Variants in GNB1L observed in about 807,000 individuals in gnomAD.
GNB1L encodes guanine nucleotide-binding protein subunit beta-like protein 1.
A neutral mutation model predicts 29.1 loss-of-function variants in GNB1L; 20 were observed. The observed-to-expected ratio is 0.69, with a 90% CI of 0.48 to 1.00. The LOEUF (loss-of-function observed/expected upper bound fraction) is 1.00, where lower values mean the gene tolerates loss of function less well. GNB1L is among the 50% of genes least tolerant of loss of function. GNB1L has a pLI of 0.00. For missense variants in GNB1L, 421 were observed against 464.9 expected, an observed-to-expected ratio of 0.91 and a Z score of 0.87; for synonymous variants, 193 against 206.5, an observed-to-expected ratio of 0.93 and a Z score of 0.56.
chr22:19,802,923 G>A (rs186218331), intron 6 of GNB1L, among the ~76,000 whole-genome samples: 196 of 152,342 alleles, frequency 1.3e-3, no homozygotes, highest in Non-Finnish European at 2.1e-3. Context: ...GCAGGATTCC[G>A]CATCACCCTG....
chr22:19,821,358 T>A lies in GNB1L; in HGVS notation c.-3A>T. 6.2e-7 allele frequency: 1 copy of A among 1,611,848 alleles called. No individual in the cohort carries two copies. Among genetic ancestry groups the A allele is most frequent in the Non-Finnish European group, 8.5e-7 (1 of 1,179,684 alleles). Reference sequence around the variant, plus strand: ...GGCGGCGGGCAGGGGGCCGTCATGCTGGGCAGGATGCAGTTACCTGGGCAC... The same window carrying A: ...GGCGGCGGGCAGGGGGCCGTCATGCAGGGCAGGATGCAGTTACCTGGGCAC... On this transcript the variant is annotated 5_prime_UTR_variant, in exon 3 of 8. Transcript: ENST00000329517.
intron 5 of GNB1L, among the ~76,000 whole-genome samples, chr22:19,809,947 T>C (rs537434602): frequency 6.6e-6 from 1 of 152,340 alleles, no homozygotes; most frequent in East Asian, 1.9e-4. Flanking sequence ...AGCTAACTTT[T>C]TGCAGAGATG....
rs13433560 is a variant in GNB1L, at chr22:19,785,553, T to C, written c.*3156A>G. 5,067 of 152,298 alleles carry C rather than the reference T, an allele frequency of 0.033. 243 individuals carry two copies. The highest frequency in any genetic ancestry group is 0.1 in the African/African-American group (4,267 of 41,530). The allele number at this position is 152,298 out of a possible 1,614,324, so 9.4% of individuals were successfully genotyped here. A position where few individuals can be genotyped will look rare whatever the true frequency, so the allele number is the denominator to read the frequency against. On this transcript the variant is annotated 3_prime_UTR_variant, in exon 8 of 8. Coordinates refer to ENST00000329517, the MANE Select transcript of GNB1L (RefSeq NM_053004.3). This position sits in a 1 kb window ranked among gnomAD's most constrained non-coding sequence, Gnocchi z 4.1. ...GCCTCACTGCTACCCAAGAGCATTATGGAGGAAGATGTGGAAGGGCTGCCT... is the reference window on the plus strand; with the variant it reads ...GCCTCACTGCTACCCAAGAGCATTACGGAGGAAGATGTGGAAGGGCTGCCT...
chr22:19,852,592 A>G, intron 2 of GNB1L: 1 of 297,342 alleles, frequency 3.4e-6, no homozygotes, highest in Non-Finnish European at 6.2e-6. Context: ...CCCAACTAGG[A>G]GCTTTGAATG....
intron 2 of GNB1L, chr22:19,848,132 T>C: frequency 1.0e-6 from 1 of 984,616 alleles, no homozygotes; most frequent in Non-Finnish European, 1.2e-6. Context: ...CCTTAGTACT[T>C]CCTATTTTAA....
intron 7 of GNB1L, chr22:19,792,816 C>G: frequency 7.7e-7 from 1 of 1,305,376 alleles, no homozygotes; most frequent in Non-Finnish European, 1.1e-6. Context: ...TGCCTTGTGT[C>G]GTAAAATGGG....
At chr22:19,849,035 G>A in intron 2 of GNB1L, 1 of 985,498 alleles carries the variant, frequency 1.0e-6, no homozygotes. Context: ...AAGGGGGGAT[G>A]GGGCCTGAGT....
chr22:19,814,693 T>C (rs961570043), intron 4 of GNB1L, among the ~76,000 whole-genome samples: 9 of 152,060 alleles, frequency 5.9e-5, no homozygotes, highest in Admixed American at 5.9e-4. Flanking sequence ...AGTCTTAACC[T>C]GAGAAAATAT....
chr22:19,843,007 A>G (rs1937888155), intron 2 of GNB1L, among the ~76,000 whole-genome samples: 2 of 152,234 alleles, frequency 1.3e-5, no homozygotes, highest in South Asian at 4.1e-4. Context: ...TTCGGAGTCA[A>G]AGGCGCACTT....
chr22:19,848,346 G>T, intron 2 of GNB1L: 1 of 985,458 alleles, frequency 1.0e-6, no homozygotes, highest in Non-Finnish European at 1.2e-6. Context: ...CCCTGCCTTC[G>T]GGTCTGCCAG....
intron 7 of GNB1L, among the ~76,000 whole-genome samples, chr22:19,798,002 G>T (rs1487491008): frequency 6.6e-6 from 1 of 152,224 alleles, no homozygotes; most frequent in African/African-American, 2.4e-5. Context: ...TGAATGTGCT[G>T]CAGCACGACA....
rs923205914 is a variant in GNB1L at position 19,786,389 on chromosome 22, C to T, written c.*2320G>A. 1 of 152,250 alleles carries T rather than the reference C, an allele frequency of 6.6e-6. No homozygotes were observed. Among genetic ancestry groups the T allele is most frequent in the African/African-American group, 2.4e-5 (1 of 41,454 alleles). The allele number at this position is 152,250 out of a possible 1,614,324, so 9.4% of individuals were successfully genotyped here. A position where few individuals can be genotyped will look rare whatever the true frequency, so the allele number is the denominator to read the frequency against. The stretch of plus-strand genomic sequence containing the variant: ...GACTGAAAGCACGAGGGCCAGGGGC[C>T]AACTCAGGGTCTGTACACCCTGCCC... On this transcript the variant is annotated 3_prime_UTR_variant, in exon 8 of 8. Coordinates refer to ENST00000329517, the MANE Select transcript of GNB1L (RefSeq NM_053004.3).
At chr22:19,793,176 G>A (rs1419131931) in intron 7 of GNB1L, 29 of 888,112 alleles carry the variant, frequency 3.3e-5, no homozygotes, top group South Asian at 1.6e-5. Context: ...AAAGGAAAGT[G>A]TATTCAAATA....
chr22:19,806,597 G>C, intron 6 of GNB1L, 62 bp downstream of exon 6: 1 of 1,013,084 alleles, frequency 9.9e-7, no homozygotes. Flanking sequence ...ATCCTGAATG[G>C]AGCATGACTC....
chr22:19,854,751 G>A (rs1413503964), intron 1 of GNB1L, 69 bp downstream of exon 1: 2 of 152,348 alleles, frequency 1.3e-5, no homozygotes, highest in Non-Finnish European at 2.9e-5. Context: ...AAAAGACGCA[G>A]GGGCGCAGCT....
intron 2 of GNB1L, chr22:19,846,876 C>T: frequency 2.1e-6 from 2 of 953,114 alleles, no homozygotes; most frequent in Non-Finnish European, 2.5e-6. Context: ...GTTTAAGTCC[C>T]CTAGCCTGCG....
At chr22:19,823,533 C>T (rs369710126) in intron 2 of GNB1L, among the ~76,000 whole-genome samples, 2 of 152,162 alleles carry the variant, frequency 1.3e-5, no homozygotes, top group Non-Finnish European at 2.9e-5. Context: ...CCAAGAGGAG[C>T]CAAAGAATGC....
At position 19,812,263 on chromosome 22, in the gene GNB1L, C is replaced by T. The variant is rs769910106; in HGVS notation, c.417+22G>A. The T allele has an allele frequency of 1.9e-6, 3 of 1,607,826 alleles. No individual in the cohort carries two copies. In the African/African-American group the frequency reaches 4.0e-5, roughly 21 times the overall value. ...GCACAACTGTTTGGAGAACATGGGG[C>T]CTCAGGCAGGCTGGCTCTCACCTCG... On this transcript the variant is annotated intron_variant, in intron 5 of 7. Transcript: ENST00000329517.
chr22:19,836,283 A>G (rs1362800619), intron 2 of GNB1L, among the ~76,000 whole-genome samples: 2 of 152,206 alleles, frequency 1.3e-5, no homozygotes, highest in African/African-American at 4.8e-5. Context: ...ATTCAAGCTA[A>G]ATAAACCTAG....
Sources: gnomAD v4.1 joint callset for allele counts (sites outside exome capture counted in the v4.1 genomes callset) on GRCh38, gnomAD v4.1.1 for gene constraint, Gnocchi (gnomAD v3.1) non-coding constraint, MANE v1.5 for transcripts, NCBI Gene and HGNC (gene_info 2026-07-23, HGNC 2026-07-21) for gene names.